Variants in NLGN4Y observed in about 807,000 individuals in gnomAD.
The protein encoded by NLGN4Y is neuroligin-4, Y-linked.
Under a neutral mutation model 8.4 loss-of-function variants are expected in NLGN4Y, and 4 were observed. That is an observed-to-expected ratio of 0.48 (90% CI 0.23 to 1.09). The LOEUF (loss-of-function observed/expected upper bound fraction) is 1.09, where lower values mean the gene tolerates loss of function less well. Ranked by LOEUF, NLGN4Y falls within the 50% of genes least tolerant of loss-of-function variation. NLGN4Y has a pLI of 0.19. For missense variants in NLGN4Y, 90 were observed against 192.3 expected, an observed-to-expected ratio of 0.47 and a Z score of 3.15; for synonymous variants, 35 against 75.6, an observed-to-expected ratio of 0.46 and a Z score of 2.78.
intron 2 of NLGN4Y, among the ~76,000 whole-genome samples, chrY:14,709,972 G>A: frequency 3.0e-5 from 1 of 33,356 alleles, no homozygotes; most frequent in East Asian, 7.7e-4. Context: ...TATGTTTTTG[G>A]ATTACATAAA....
At chrY:14,748,669 C>T (rs1228956218) in intron 4 of NLGN4Y, 1 of 185,911 alleles carries the variant, frequency 5.4e-6, no homozygotes, top group South Asian at 3.8e-5. Flanking sequence ...TCAGCTGCAC[C>T]TGCAGGCACC....
At chrY:14,798,990 C>A in intron 4 of NLGN4Y, among the ~76,000 whole-genome samples, 3 of 34,066 alleles carry the variant, frequency 8.8e-5, no homozygotes, top group Non-Finnish European at 2.2e-4. Flanking sequence ...ACTGGCATTA[C>A]AAAGAGGCAG....
At chrY:14,672,873 G>A (rs2080723298) in intron 2 of NLGN4Y, among the ~76,000 whole-genome samples, 2 of 29,212 alleles carry the variant, frequency 6.8e-5, no homozygotes, top group Non-Finnish European at 1.6e-4. Flanking sequence ...AAATAATGCC[G>A]CATATCTACA....
chrY:14,721,013 A>G (rs781321478), intron 3 of NLGN4Y, among the ~76,000 whole-genome samples: 14 of 33,711 alleles, frequency 4.2e-4, no homozygotes, highest in Non-Finnish European at 8.9e-4. Flanking sequence ...CCTTTTGATA[A>G]TTAAGATCTG....
intron 4 of NLGN4Y, among the ~76,000 whole-genome samples, chrY:14,772,189 G>A: frequency 3.0e-5 from 1 of 33,012 alleles, no homozygotes; most frequent in Non-Finnish European, 7.5e-5. Context: ...GAAGAAAATA[G>A]AGAAGAATTA....
At chrY:14,683,818 C>A (rs2080778262) in intron 2 of NLGN4Y, among the ~76,000 whole-genome samples, 1 of 33,781 alleles carries the variant, frequency 3.0e-5, no homozygotes, top group South Asian at 6.6e-4. Flanking sequence ...GTGATCATTC[C>A]TCAAGCTCTT....
intron 2 of NLGN4Y, among the ~76,000 whole-genome samples, chrY:14,655,810 A>C (rs986374314): frequency 3.0e-5 from 1 of 33,371 alleles, no homozygotes; most frequent in African/African-American, 1.2e-4. Flanking sequence ...CGTTGAGGAC[A>C]GTAGATATCT....
At chrY:14,647,221 T>C (rs2080613661) in intron 2 of NLGN4Y, among the ~76,000 whole-genome samples, 1 of 33,845 alleles carries the variant, frequency 3.0e-5, no homozygotes, top group Admixed American at 2.7e-4. Flanking sequence ...GTGGAACAAG[T>C]TGAAGATTAG....
chrY:14,822,765 A>G, intron 4 of NLGN4Y, among the ~76,000 whole-genome samples: 1 of 34,016 alleles, frequency 2.9e-5, no homozygotes, highest in Admixed American at 2.6e-4. Flanking sequence ...AGTGATGGAG[A>G]CTGGTGTTGC....
chrY:14,755,305 T>G, intron 4 of NLGN4Y, among the ~76,000 whole-genome samples: 1 of 33,486 alleles, frequency 3.0e-5, no homozygotes, highest in Admixed American at 2.8e-4. Context: ...ATCTTATGTT[T>G]TGTTAATAAT....
At chrY:14,801,472 A>C (rs745709171) in intron 4 of NLGN4Y, 1 of 28,179 alleles carries the variant, frequency 3.5e-5, no homozygotes, top group South Asian at 8.9e-4. Context: ...ACAGTGAAGC[A>C]AAATGAACAA....
At chrY:14,589,281 G>T in intron 1 of NLGN4Y, among the ~76,000 whole-genome samples, 1 of 33,233 alleles carries the variant, frequency 3.0e-5, no homozygotes, top group African/African-American at 1.2e-4. Flanking sequence ...TCGACACACA[G>T]GTTCTCCAAG....
In NLGN4Y at chrY:14,843,996, G is replaced by A. The variant is rs2043238012; in HGVS notation, c.*2734G>A. The A allele has an allele frequency of 8.6e-6, 1 of 116,676 alleles. No individual in the cohort carries two copies. The highest frequency in any genetic ancestry group is 1.8e-5 in the Non-Finnish European group (1 of 55,247). The allele number at this position is 116,676 out of a possible 400,897, so 29.1% of individuals were successfully genotyped here. A position where few individuals can be genotyped will look rare whatever the true frequency, so the allele number is the denominator to read the frequency against. Reference sequence around the variant, plus strand: ...TTATGCATCTGTTCTTTCTTGGTAGGTGGAATATTTTATTTACTTTTGCCA... The same window carrying A: ...TTATGCATCTGTTCTTTCTTGGTAGATGGAATATTTTATTTACTTTTGCCA... On this transcript the variant is annotated 3_prime_UTR_variant, in exon 7 of 7. Transcript: ENST00000684976.
chrY:14,579,470 G>T, intron 1 of NLGN4Y, among the ~76,000 whole-genome samples: 1 of 32,891 alleles, frequency 3.0e-5, no homozygotes, highest in Non-Finnish European at 7.4e-5. Flanking sequence ...CACTTTGGGC[G>T]GCCAAGACAG....
chrY:14,827,724 G>T (rs2043153950), intron 5 of NLGN4Y, among the ~76,000 whole-genome samples: 1 of 33,564 alleles, frequency 3.0e-5, no homozygotes, highest in Non-Finnish European at 7.3e-5. Flanking sequence ...AGAGGCTGCA[G>T]CAAGCCAAGA....
chrY:14,575,845 G>A, intron 1 of NLGN4Y, among the ~76,000 whole-genome samples: 2 of 33,399 alleles, frequency 6.0e-5, no homozygotes, highest in Admixed American at 2.7e-4. Flanking sequence ...GGAATTTGCT[G>A]GAGGTCCACT....
rs779902097 is a variant in NLGN4Y, at chrY:14,552,363, T to C, written c.-112+27655T>C. Among the ~76,000 whole-genome samples the C allele has an allele frequency of 2.7e-4, 9 of 33,839 alleles. No individual in the cohort carries two copies. In the South Asian group the frequency reaches 5.9e-3, roughly 22 times the overall value. The allele number at this position is 33,839 out of a possible 37,273, so 90.8% of individuals were successfully genotyped here. ...CACCAGAGGTACAAAGAATAGCTGGTACCATTCCTTTTGAAACTATTCACA... is the reference window on the plus strand; with the variant it reads ...CACCAGAGGTACAAAGAATAGCTGGCACCATTCCTTTTGAAACTATTCACA... On this transcript the variant is annotated intron_variant, in intron 1 of 6. Coordinates refer to ENST00000684976, the MANE Select transcript of NLGN4Y (RefSeq NM_001365588.1).
At chrY:14,723,703 T>C in intron 4 of NLGN4Y, among the ~76,000 whole-genome samples, 2 of 34,071 alleles carry the variant, frequency 5.9e-5, no homozygotes, top group Admixed American at 2.6e-4. Flanking sequence ...CTAGTCTGAT[T>C]GTGTTACTAT....
intron 1 of NLGN4Y, among the ~76,000 whole-genome samples, chrY:14,600,624 G>T (rs1020428076): frequency 6.1e-5 from 2 of 32,564 alleles, no homozygotes; most frequent in Non-Finnish European, 1.5e-4. Context: ...TGGGGAAAAA[G>T]TAAATACTCA....
Sources: gnomAD v4.1 joint callset for allele counts (sites outside exome capture counted in the v4.1 genomes callset) on GRCh38, gnomAD v4.1.1 for gene constraint, MANE v1.5 for transcripts, NCBI Gene and HGNC (gene_info 2026-07-23, HGNC 2026-07-21) for gene names.